The following WASHC5 variants were observed in gnomAD, a reference collection of about 807,000 sequenced individuals.
WASHC5 encodes the protein WASH complex subunit strumpellin.
WASHC5 carries 101 observed loss-of-function variants against 150.4 expected under a neutral mutation model. That is an observed-to-expected ratio of 0.67 (90% CI 0.57 to 0.79). The LOEUF is 0.79. WASHC5 is among the 30% of genes least tolerant of loss of function. WASHC5 has a pLI of 0.00. For synonymous variants in WASHC5, 467 were observed against 491.2 expected, an observed-to-expected ratio of 0.95 and a Z score of 0.65; for missense variants, 1,195 against 1,396.3, an observed-to-expected ratio of 0.86 and a Z score of 2.30.
In WASHC5 at chr8:125,070,049, C is replaced by A. The variant is rs73346287; in HGVS notation, c.1151-2330G>T. Reference sequence around the variant, plus strand: ...CCTGACCATCTCTCTCAGATCTGACCCTTAAGGATTCATACCCAGAGAACT... The same window carrying A: ...CCTGACCATCTCTCTCAGATCTGACACTTAAGGATTCATACCCAGAGAACT... On this transcript the variant is annotated intron_variant, in intron 9 of 28. Coordinates refer to ENST00000318410, the MANE Select transcript of WASHC5 (RefSeq NM_014846.4). 1.7e-3 allele frequency among the ~76,000 whole-genome samples: 266 copies of A among 152,270 alleles called. 2 individuals are homozygous for A. Among genetic ancestry groups the A allele is most frequent in the African/African-American group, 5.9e-3 (247 of 41,548 alleles).
chr8:125,072,371 CTTATT>C (rs1816925271), intron 9 of WASHC5, among the ~76,000 whole-genome samples: 1 of 114,252 alleles, frequency 8.8e-6, no homozygotes, highest in East Asian at 3.0e-4. Context: ...GGGGCGGGCT[CTTATT>C]TTATTATTCT....
chr8:125,055,703 ACTGT>A, intron 16 of WASHC5, 32 bp from the exon 17 acceptor site: 2 of 1,257,660 alleles, frequency 1.6e-6, no homozygotes, highest in Non-Finnish European at 2.3e-6. Context: ...ATGAAAAATC[ACTGT>A]CTAATAGTCC....
In WASHC5 at chr8:125,059,652, T is replaced by A. The variant is rs79517257; in HGVS notation, c.1522-110A>T. ...CACACTACTTCTGACAATTTCTTGA[T>A]AAAGTTTTTATTTCAAATTATAAAT... On this transcript the variant is annotated intron_variant, in intron 12 of 28. Coordinates refer to ENST00000318410, the MANE Select transcript of WASHC5 (RefSeq NM_014846.4). The A allele has an allele frequency of 7.5e-3, 5,864 of 781,488 alleles. 251 individuals are homozygous for A. In the African/African-American group the frequency reaches 0.093, roughly 12 times the overall value. 48.4% of individuals were successfully genotyped at this position (781,488 alleles called of 1,614,324 possible). A position where few individuals can be genotyped will look rare whatever the true frequency, so the allele number is the denominator to read the frequency against.
intron 10 of WASHC5, among the ~76,000 whole-genome samples, chr8:125,066,533 C>T (rs997105456): frequency 7.2e-5 from 11 of 152,204 alleles, no homozygotes; most frequent in African/African-American, 2.7e-4. Flanking sequence ...AGACTAACCT[C>T]AGCATTTCCT....
chr8:125,028,290 A>G (rs983320085), intron 28 of WASHC5, among the ~76,000 whole-genome samples: 1 of 152,186 alleles, frequency 6.6e-6, no homozygotes, highest in Non-Finnish European at 1.5e-5. Context: ...GAAAGAACAA[A>G]CCACCATGAT....
Position 125,067,665 on chromosome 8 carries a change from T to C in WASHC5, c.1205A>G (p.Asp402Gly). ...GAGGATCCTGGGATTGTACCGAGAG[T>C]CTGTTAGAATCTGGTCCTTGATTTG... Reference protein sequence around the residue: ...LRQIKDQILTDSRYNPRILFQ... With the variant: ...LRQIKDQILTGSRYNPRILFQ... The change falls in exon 10 of 29, where the codon GAC becomes GGC. Residue 402 changes from aspartate to glycine, a missense_variant. By Grantham distance (94) the Asp-to-Gly change is moderately conservative. Coordinates refer to ENST00000318410, the MANE Select transcript of WASHC5 (RefSeq NM_014846.4). 2.5e-6 allele frequency: 4 copies of C among 1,613,590 alleles called. No individual in the cohort carries two copies. Among genetic ancestry groups the C allele is most frequent in the Non-Finnish European group, 3.4e-6 (4 of 1,179,646 alleles).
chr8:125,089,294 C>T (rs1396441004), intron 1 of WASHC5, among the ~76,000 whole-genome samples: 1 of 152,148 alleles, frequency 6.6e-6, no homozygotes, highest in Admixed American at 6.5e-5. Context: ...TGAAACTTTA[C>T]ACCAGGAGTG....
At chr8:125,079,390 A>G (rs564973802) in intron 5 of WASHC5, among the ~76,000 whole-genome samples, 7 of 151,522 alleles carry the variant, frequency 4.6e-5, no homozygotes, top group Non-Finnish European at 7.4e-5. Flanking sequence ...GGGTTTCACC[A>G]TGCTGGCCCA....
chr8:125,034,396 C>T (rs193113406), intron 26 of WASHC5, among the ~76,000 whole-genome samples: 89 of 152,164 alleles, frequency 5.8e-4, no homozygotes, highest in African/African-American at 2.0e-3. Context: ...ATTCCAGCTA[C>T]TCAGGTGGCC....
intron 11 of WASHC5, among the ~76,000 whole-genome samples, chr8:125,061,456 T>TGGC (rs1816592642): frequency 6.9e-6 from 1 of 145,800 alleles, no homozygotes; most frequent in Non-Finnish European, 1.5e-5. Context: ...GAGGTGGTGG[T>TGGC]GGCAGTGGAG....
At position 125,039,843 on chromosome 8, in the gene WASHC5, CAAG is replaced by C; in HGVS notation, c.2903_2905del (p.Ser968del). ...TGCCAGATGTTTAGAATCAAACCGA[CAAG>C]AATAATTTAATTCATTGGCAATCTG... On this transcript the variant is annotated inframe_deletion, in exon 24 of 29. Coordinates refer to ENST00000318410, the MANE Select transcript of WASHC5 (RefSeq NM_014846.4). The C allele has an allele frequency of 1.2e-6, 2 of 1,614,008 alleles. No individual in the cohort carries two copies. Among genetic ancestry groups the C allele is most frequent in the South Asian group, 2.2e-5 (2 of 91,078 alleles).
Position 125,031,213 on chromosome 8 carries a change from C to T in WASHC5, c.3335+1028G>A, listed in dbSNP as rs561250030. Among the ~76,000 whole-genome samples the T allele has an allele frequency of 8.5e-5, 13 of 152,206 alleles. No homozygotes were observed. The South Asian group carries it at 2.3e-3, about 27-fold the overall frequency. ...TAGTGGGAGGTCAATTAAATGACCT[C>T]GAAAATCATTTCCAGTTTTAGGACT... On this transcript the variant is annotated intron_variant, in intron 27 of 28. Coordinates refer to ENST00000318410, the MANE Select transcript of WASHC5 (RefSeq NM_014846.4).
rs1817343313 is a variant in WASHC5 at position 125,083,827 on chromosome 8, G to A, written c.72C>T (p.Ala24=). The A allele has an allele frequency of 6.2e-7, 1 of 1,613,982 alleles. No individual in the cohort carries two copies. The highest frequency in any genetic ancestry group is 8.5e-7 in the Non-Finnish European group (1 of 1,179,918). The stretch of plus-strand genomic sequence containing the variant: ...AGAGTCTCAAAAGTTCAGCAATGAT[G>A]GCATTACCACAGGAAACAATCCTTA... ...AILRIVSCGN[A]IIAELLRLSE... is the part of the protein sequence containing the mutation. The change falls in exon 2 of 29, where the codon GCC becomes GCT. Residue 24 remains alanine (A), a synonymous_variant. Coordinates refer to ENST00000318410, the MANE Select transcript of WASHC5 (RefSeq NM_014846.4).
intron 7 of WASHC5, 35 bp downstream of exon 7, chr8:125,076,313 A>C (rs1411874398): frequency 6.2e-7 from 1 of 1,602,746 alleles, no homozygotes; most frequent in Non-Finnish European, 8.5e-7. Context: ...TCTCTAACAC[A>C]TTTACTGTAG....
At chr8:125,059,632 T>C (rs1438757845) in intron 12 of WASHC5, 90 bp from the exon 13 acceptor site, 1 of 880,010 alleles carries the variant, frequency 1.1e-6, no homozygotes, top group Non-Finnish European at 1.8e-6. Context: ...TAAAGCACAC[T>C]ACTTCTGACA....
intron 8 of WASHC5, among the ~76,000 whole-genome samples, chr8:125,073,788 A>G (rs1816972772): frequency 6.6e-6 from 1 of 152,214 alleles, no homozygotes; most frequent in Admixed American, 6.5e-5. Flanking sequence ...CTGTGATTAA[A>G]CTTTGGTGTG....
In WASHC5 at chr8:125,071,223, T is replaced by C. The variant is rs547115545; in HGVS notation, c.1150+1930A>G. ...ATACAGTCCTGGATGAGGGAATGCA[T>C]TGGTTAATTAGTGTTGATCCAGCAT... is the stretch of plus-strand genomic sequence containing the variant. On this transcript the variant is annotated intron_variant, in intron 9 of 28. Transcript: ENST00000318410. 5.3e-5 allele frequency among the ~76,000 whole-genome samples: 8 copies of C among 152,296 alleles called. No homozygotes were observed. The East Asian group carries it at 9.6e-4, about 18-fold the overall frequency.
chr8:125,088,243 G>T (rs941175867), intron 1 of WASHC5, among the ~76,000 whole-genome samples: 4,000 of 151,780 alleles, frequency 0.026, 193 homozygotes, highest in African/African-American at 0.093. Flanking sequence ...TAGGAGAGCC[G>T]GGATCACCCC....
chr8:125,081,798 A>C lies in WASHC5; in HGVS notation c.418-37T>G, dbSNP rs1341604572. 11 of 1,186,734 alleles carry C rather than the reference A, an allele frequency of 9.3e-6. No individual in the cohort carries two copies. The East Asian group carries it at 2.1e-4, about 23-fold the overall frequency. 73.5% of individuals were successfully genotyped at this position (1,186,734 alleles called of 1,614,324 possible). On this transcript the variant is annotated intron_variant, in intron 4 of 28. Transcript: ENST00000318410. ...AGAGGACAAAAGCCAAAATCACTAG[A>C]TTATACATTCTTAGGGAGTAAAGTC...
Sources: gnomAD v4.1 joint callset for allele counts (sites outside exome capture counted in the v4.1 genomes callset) on GRCh38, gnomAD v4.1.1 for gene constraint, MANE v1.5 for transcripts, NCBI Gene and HGNC (gene_info 2026-07-23, HGNC 2026-07-21) for gene names.